The following ASTN2 variants were observed in gnomAD, a reference collection of about 807,000 sequenced individuals.
ASTN2 encodes the protein astrotactin-2.
Under a neutral mutation model 139.8 loss-of-function variants are expected in ASTN2, and 54 were observed. That is an observed-to-expected ratio of 0.39 (90% CI 0.31 to 0.48). ASTN2 has a LOEUF of 0.48. Among genes scored for constraint, ASTN2 ranks in the 20% least tolerant of loss-of-function variants. ASTN2 has a pLI of 0.95. For synonymous variants in ASTN2, 756 were observed against 719.5 expected, an observed-to-expected ratio of 1.05 and a Z score of -0.81; for missense variants, 1,565 against 1,725.1, an observed-to-expected ratio of 0.91 and a Z score of 1.64.
chr9:116,521,136 CAG>C (rs1332265156), intron 19 of ASTN2, among the ~76,000 whole-genome samples: 2 of 152,026 alleles, frequency 1.3e-5, no homozygotes, highest in Non-Finnish European at 2.9e-5. Flanking sequence ...CCATTCTTCA[CAG>C]AACTAGAAAA....
At chr9:116,997,975 A>G (rs1421949191) in intron 7 of ASTN2, among the ~76,000 whole-genome samples, 1 of 152,216 alleles carries the variant, frequency 6.6e-6, no homozygotes, top group Non-Finnish European at 1.5e-5. Flanking sequence ...GAATGGATTA[A>G]TCTGATGAGA....
chr9:116,762,237 T>TA (rs968340872), intron 13 of ASTN2, among the ~76,000 whole-genome samples: 3 of 152,212 alleles, frequency 2.0e-5, no homozygotes, highest in Non-Finnish European at 2.9e-5. Flanking sequence ...TGAAAAATGG[T>TA]AAAAAATTGG....
chr9:116,934,175 C>A (rs1006586112), intron 10 of ASTN2, among the ~76,000 whole-genome samples: 5 of 151,872 alleles, frequency 3.3e-5, no homozygotes, highest in African/African-American at 1.2e-4. Flanking sequence ...TCCATTTCCA[C>A]AAATGAGAAG....
chr9:117,008,045 C>G, intron 7 of ASTN2, 47 bp downstream of exon 7: 1 of 1,494,828 alleles, frequency 6.7e-7, no homozygotes, highest in Non-Finnish European at 8.9e-7. Context: ...CCTCTTTCAA[C>G]CCAGCCTCTC....
At chr9:117,287,825 G>A (rs1834487709) in intron 2 of ASTN2, among the ~76,000 whole-genome samples, 3 of 152,150 alleles carry the variant, frequency 2.0e-5, no homozygotes, top group Non-Finnish European at 4.4e-5. Context: ...TATGCACTCA[G>A]TATGTGCCAG....
chr9:116,560,796 T>C (rs1473297874), intron 19 of ASTN2, among the ~76,000 whole-genome samples: 1 of 152,144 alleles, frequency 6.6e-6, no homozygotes, highest in African/African-American at 2.4e-5. Context: ...ATGAACATTA[T>C]GTTAGGTGCA....
intron 19 of ASTN2, among the ~76,000 whole-genome samples, chr9:116,531,808 T>C (rs1281403852): frequency 2.6e-5 from 4 of 152,180 alleles, no homozygotes; most frequent in Admixed American, 1.3e-4. Context: ...CTATTGTAAA[T>C]AGTGCCGCAG....
chr9:117,263,299 T>G (rs1032447440), intron 2 of ASTN2, among the ~76,000 whole-genome samples: 2 of 152,174 alleles, frequency 1.3e-5, no homozygotes, highest in Non-Finnish European at 2.9e-5. Context: ...AAGTATAACT[T>G]TGTGTGAACA....
chr9:117,168,425 G>C lies in ASTN2; in HGVS notation c.1016-26947C>G, dbSNP rs548927416. 3.3e-5 allele frequency among the ~76,000 whole-genome samples: 5 copies of C among 152,214 alleles called. No individual in the cohort carries two copies. The South Asian group carries it at 1.0e-3, about 32-fold the overall frequency. On this transcript the variant is annotated intron_variant, in intron 3 of 22. Coordinates refer to ENST00000313400, the MANE Select transcript of ASTN2 (RefSeq NM_001365068.1). ...TATGAGAGTTTTTAACTTACATTTG[G>C]AGGTGAGGGTTCTGTACCCTGAGAT...
At chr9:117,122,343 G>A (rs1381341953) in intron 4 of ASTN2, among the ~76,000 whole-genome samples, 1 of 152,138 alleles carries the variant, frequency 6.6e-6, no homozygotes, top group Non-Finnish European at 1.5e-5. Flanking sequence ...GTCCAAGCAA[G>A]CTCAAGGGAT....
intron 16 of ASTN2, among the ~76,000 whole-genome samples, chr9:116,661,993 C>T (rs1858590120): frequency 6.7e-6 from 1 of 150,208 alleles, no homozygotes; most frequent in South Asian, 2.1e-4. Context: ...GTACATGTAC[C>T]CTAGAACTTA....
chr9:116,614,079 A>G (rs986154056), intron 19 of ASTN2, among the ~76,000 whole-genome samples: 26 of 152,068 alleles, frequency 1.7e-4, no homozygotes, highest in African/African-American at 3.1e-4. Flanking sequence ...CTATACACCA[A>G]TAACAGACAG....
intron 1 of ASTN2, among the ~76,000 whole-genome samples, chr9:117,297,283 C>T (rs192725901): frequency 9.9e-4 from 150 of 152,240 alleles, no homozygotes; most frequent in African/African-American, 3.4e-3. Context: ...ATGAACTCAC[C>T]GCCCGGGCAG....
intron 16 of ASTN2, among the ~76,000 whole-genome samples, chr9:116,682,541 A>C (rs1299673711): frequency 2.6e-5 from 4 of 152,218 alleles, no homozygotes; most frequent in Non-Finnish European, 5.9e-5. Flanking sequence ...TACCCAAAGG[A>C]CTATAAATCA....
chr9:117,187,320 G>T (rs575420879), intron 3 of ASTN2, among the ~76,000 whole-genome samples: 2 of 152,236 alleles, frequency 1.3e-5, no homozygotes, highest in African/African-American at 4.8e-5. Flanking sequence ...GGAAAGAACT[G>T]TTCAGGAAGA....
Position 116,685,781 on chromosome 9 carries a change from A to AT in ASTN2, c.2807-33989dup, listed in dbSNP as rs1002423648. On this transcript the variant is annotated intron_variant, in intron 16 of 22. Transcript: ENST00000313400. Reference sequence around the variant, plus strand: ...ATTTTTGTTTTAAGGGAGAAGAGAGATTTTTTTTTTTCAAGACACTTGCTT... The same window carrying AT: ...ATTTTTGTTTTAAGGGAGAAGAGAGATTTTTTTTTTTTCAAGACACTTGCTT... Among the ~76,000 whole-genome samples the AT allele has an allele frequency of 3.2e-3, 475 of 148,720 alleles. 2 individuals carry two copies. Among genetic ancestry groups the AT allele is most frequent in the African/African-American group, 0.01 (417 of 40,658 alleles).
chr9:116,953,592 G>A (rs571382534), intron 10 of ASTN2, among the ~76,000 whole-genome samples: 29 of 152,280 alleles, frequency 1.9e-4, no homozygotes, highest in African/African-American at 7.0e-4. Flanking sequence ...ATGCTGACAG[G>A]TTTCATTGTC....
chr9:117,296,830 C>A (rs1332607785), intron 1 of ASTN2, among the ~76,000 whole-genome samples: 1 of 152,122 alleles, frequency 6.6e-6, no homozygotes, highest in Non-Finnish European at 1.5e-5. Context: ...TTTCTGCTCT[C>A]CCCCATGGGC....
Position 117,001,432 on chromosome 9 carries a change from A to G in ASTN2, c.1591+6660T>C, listed in dbSNP as rs112565561. Among the ~76,000 whole-genome samples the G allele has an allele frequency of 2.1e-3, 315 of 152,270 alleles. 2 individuals carry two copies. Among genetic ancestry groups the G allele is most frequent in the Non-Finnish European group, 3.7e-3 (253 of 68,012 alleles). On this transcript the variant is annotated intron_variant, in intron 7 of 22. Transcript: ENST00000313400. ...TAGGGAGTTAGATGCTCTCCAAAAC[A>G]GGTGGACTCATCTGCTTGTGAGAAC...
Sources: gnomAD v4.1 joint callset for allele counts (sites outside exome capture counted in the v4.1 genomes callset) on GRCh38, gnomAD v4.1.1 for gene constraint, MANE v1.5 for transcripts, NCBI Gene and HGNC (gene_info 2026-07-23, HGNC 2026-07-21) for gene names.